GNAQ: variants seen among roughly 807,000 people sequenced by gnomAD.
GNAQ encodes G protein subunit alpha q.
A neutral mutation model predicts 43.9 loss-of-function variants in GNAQ; 8 were observed. The observed-to-expected ratio is 0.18, with a 90% CI of 0.11 to 0.33. GNAQ has a LOEUF of 0.33. GNAQ is among the 10% of genes least tolerant of loss of function. The pLI is 1.00. For synonymous variants in GNAQ, 155 were observed against 170.7 expected, an observed-to-expected ratio of 0.91 and a Z score of 0.71; for missense variants, 158 against 450.8, an observed-to-expected ratio of 0.35 and a Z score of 5.88.
intron 2 of GNAQ, among the ~76,000 whole-genome samples, chr9:77,848,441 T>TGC (rs1827620618): frequency 6.6e-6 from 1 of 152,222 alleles, no homozygotes; most frequent in South Asian, 2.1e-4. Context: ...GCAACTCTCT[T>TGC]AACAAGCAAC....
intron 3 of GNAQ, among the ~76,000 whole-genome samples, chr9:77,810,043 C>A (rs1379694636): frequency 6.6e-6 from 1 of 152,060 alleles, no homozygotes; most frequent in East Asian, 1.9e-4. Context: ...TATAATTTTC[C>A]TTCTTGACTT....
intron 1 of GNAQ, among the ~76,000 whole-genome samples, chr9:78,007,686 A>T (rs1564176739): frequency 6.6e-6 from 1 of 152,210 alleles, no homozygotes; most frequent in Admixed American, 6.5e-5. Context: ...CTTACAACAA[A>T]GGCAGCTCTC....
chr9:77,925,153 GTTAC>G (rs1380334874), intron 1 of GNAQ, among the ~76,000 whole-genome samples: 1 of 152,002 alleles, frequency 6.6e-6, no homozygotes, highest in Non-Finnish European at 1.5e-5. Flanking sequence ...GCTCTTACAA[GTTAC>G]TTACACCTGG....
In GNAQ at chr9:77,812,968, T is replaced by C. The variant is rs376149175; in HGVS notation, c.476+2648A>G. Among the ~76,000 whole-genome samples, 232 of 152,120 alleles carry C rather than the reference T, an allele frequency of 1.5e-3. 3 individuals carry two copies. Among genetic ancestry groups the C allele is most frequent in the African/African-American group, 5.3e-3 (220 of 41,508 alleles). On this transcript the variant is annotated intron_variant, in intron 3 of 6. Transcript: ENST00000286548. ...CCCAGGCTGGAGTGCAGGGGCATGA[T>C]TGATCTCGATCTTGGCTCACCGCAA...
At chr9:77,811,278 T>C (rs575655989) in intron 3 of GNAQ, among the ~76,000 whole-genome samples, 1 of 152,014 alleles carries the variant, frequency 6.6e-6, no homozygotes, top group East Asian at 1.9e-4. Context: ...ATGAAGTATG[T>C]TTCAATTATA....
At chr9:77,938,970 C>T (rs1829274598) in intron 1 of GNAQ, among the ~76,000 whole-genome samples, 1 of 152,130 alleles carries the variant, frequency 6.6e-6, no homozygotes, top group Admixed American at 6.5e-5. Flanking sequence ...CTGACAGGGC[C>T]CCCTGCCCCT....
chr9:77,758,846 A>G lies in GNAQ; in HGVS notation c.736-30179T>C, dbSNP rs933655452. On this transcript the variant is annotated intron_variant, in intron 5 of 6. Coordinates refer to ENST00000286548, the MANE Select transcript of GNAQ (RefSeq NM_002072.5). ...TCCATCTCTGCACGTAAGTTTTTGT[A>G]CAAATGTACACAAATAAGTACAAAT... Among the ~76,000 whole-genome samples the G allele has an allele frequency of 2.6e-4, 39 of 152,280 alleles. 1 individual carries two copies. Among genetic ancestry groups the G allele is most frequent in the African/African-American group, 9.1e-4 (38 of 41,568 alleles).
chr9:77,902,566 C>T (rs1465339798), intron 2 of GNAQ, among the ~76,000 whole-genome samples: 1 of 152,054 alleles, frequency 6.6e-6, no homozygotes, highest in African/African-American at 2.4e-5. Context: ...AAAAGGAAAA[C>T]AAGAATGCTA....
chr9:77,784,679 C>T (rs1386498214), intron 5 of GNAQ, among the ~76,000 whole-genome samples: 1 of 152,034 alleles, frequency 6.6e-6, no homozygotes, highest in Non-Finnish European at 1.5e-5. Flanking sequence ...AGTGAAAAGG[C>T]AAGTCATGAA....
Position 77,937,457 on chromosome 9 carries a change from AT to A in GNAQ, c.137-15113del, listed in dbSNP as rs535769211. Among the ~76,000 whole-genome samples the A allele has an allele frequency of 7.0e-3, 1,061 of 152,282 alleles. 19 individuals carry two copies. The highest frequency in any genetic ancestry group is 0.024 in the African/African-American group (985 of 41,564). Reference sequence around the variant, plus strand: ...CATCTCAAAATAAATAAATAAATAAATAAAATGTAGAGTTCAATGATTTTTA... The same window carrying A: ...CATCTCAAAATAAATAAATAAATAAAAAAATGTAGAGTTCAATGATTTTTA... On this transcript the variant is annotated intron_variant, in intron 1 of 6. Coordinates refer to ENST00000286548, the MANE Select transcript of GNAQ (RefSeq NM_002072.5).
At chr9:77,853,901 A>G (rs1162713439) in intron 2 of GNAQ, among the ~76,000 whole-genome samples, 1 of 152,072 alleles carries the variant, frequency 6.6e-6, no homozygotes, top group African/African-American at 2.4e-5. Context: ...CACCTAAATG[A>G]ATTTTGGAGT....
chr9:77,838,227 T>A (rs1827425374), intron 2 of GNAQ, among the ~76,000 whole-genome samples: 1 of 136,740 alleles, frequency 7.3e-6, no homozygotes, highest in Non-Finnish European at 1.5e-5. Flanking sequence ...CACCGCAACC[T>A]CCACCTCCTG....
chr9:77,884,378 A>G (rs985645214), intron 2 of GNAQ, among the ~76,000 whole-genome samples: 2 of 152,236 alleles, frequency 1.3e-5, no homozygotes, highest in Admixed American at 1.3e-4. Context: ...CTGTTCTGCT[A>G]TATTTCAGAG....
chr9:77,818,159 A>T lies in GNAQ; in HGVS notation c.322-2389T>A, dbSNP rs560123093. On this transcript the variant is annotated intron_variant, in intron 2 of 6. Coordinates refer to ENST00000286548, the MANE Select transcript of GNAQ (RefSeq NM_002072.5). ...AGTCAACCTCCATCAAAACTGAGAGAGAATATTGCCCTCAAAAACAGAGCA... is the reference window on the plus strand; with the variant it reads ...AGTCAACCTCCATCAAAACTGAGAGTGAATATTGCCCTCAAAAACAGAGCA... Among the ~76,000 whole-genome samples the T allele has an allele frequency of 7.2e-5, 11 of 152,318 alleles. No homozygotes were observed. The South Asian group carries it at 2.3e-3, about 32-fold the overall frequency.
At chr9:77,934,935 A>G (rs982411589) in intron 1 of GNAQ, among the ~76,000 whole-genome samples, 2 of 152,070 alleles carry the variant, frequency 1.3e-5, no homozygotes, top group African/African-American at 4.8e-5. Flanking sequence ...GACCAGCCTG[A>G]TCAACATGGT....
intron 1 of GNAQ, among the ~76,000 whole-genome samples, chr9:77,928,190 T>G (rs778851862): frequency 1.2e-3 from 182 of 152,372 alleles, no homozygotes; most frequent in Non-Finnish European, 1.8e-3. Flanking sequence ...TTCTGTTTTC[T>G]GCACATTTTC....
intron 2 of GNAQ, among the ~76,000 whole-genome samples, chr9:77,908,956 T>A (rs1046326775): frequency 1.3e-5 from 2 of 152,188 alleles, no homozygotes; most frequent in Admixed American, 1.3e-4. Context: ...GTTCTCAACC[T>A]CACATTCAGT....
intron 4 of GNAQ, among the ~76,000 whole-genome samples, chr9:77,794,936 T>C (rs530397344): frequency 6.6e-6 from 1 of 152,190 alleles, no homozygotes; most frequent in Non-Finnish European, 1.5e-5. Context: ...TGTTAAGCCC[T>C]ACTGGCAAAT....
intron 2 of GNAQ, among the ~76,000 whole-genome samples, chr9:77,825,159 A>G (rs537777009): frequency 6.6e-6 from 1 of 152,350 alleles, no homozygotes; most frequent in South Asian, 2.1e-4. Flanking sequence ...CTTTCTTTAG[A>G]AACAAAAATA....
Sources: allele counts gnomAD v4.1 joint callset (sites outside exome capture counted in the v4.1 genomes callset), GRCh38; gene constraint gnomAD v4.1.1; transcripts MANE v1.5; gene names NCBI Gene and HGNC (gene_info 2026-07-23, HGNC 2026-07-21).